The following SEPTIN6 variants were observed in gnomAD, a reference collection of about 807,000 sequenced individuals.
The protein encoded by SEPTIN6 is septin 6.
SEPTIN6 carries 8 observed loss-of-function variants against 33.6 expected under a neutral mutation model. That is an observed-to-expected ratio of 0.24 (90% confidence interval 0.14 to 0.43). The LOEUF is 0.43. Among genes scored for constraint, SEPTIN6 ranks in the 20% least tolerant of loss-of-function variants. The pLI is 1.00. For synonymous variants in SEPTIN6, 131 were observed against 140.0 expected (o/e 0.94, Z 0.45); for missense variants, 250 against 340.8 (o/e 0.73, Z 2.10).
chrX:119,665,977 G>T (rs1222490516), intron 2 of SEPTIN6, among the ~76,000 whole-genome samples: 4 of 109,524 alleles, frequency 3.7e-5, no homozygotes, highest in Non-Finnish European at 7.6e-5. Context: ...AGCTACTTGG[G>T]AGGCTGAGGC....
At chrX:119,682,364 G>C (rs935506068) in intron 1 of SEPTIN6, among the ~76,000 whole-genome samples, 1 of 111,679 alleles carries the variant, frequency 9.0e-6, no homozygotes, top group African/African-American at 3.3e-5. Flanking sequence ...CTTTGCAGCA[G>C]GGGTAATTAG....
In SEPTIN6 at chrX:119,619,979, G is replaced by A; in HGVS notation, c.*114C>T. 1 of 1,204,098 alleles carries A rather than the reference G, an allele frequency of 8.3e-7. No individual in the cohort carries two copies. Among genetic ancestry groups the A allele is most frequent in the Non-Finnish European group, 1.1e-6 (1 of 892,821 alleles). Reference sequence around the variant, plus strand: ...GTTGGATTGTATGCCCCCCAGGCATGTTAAGGGGGAAATTAGAGAAAGGGA... The same window carrying A: ...GTTGGATTGTATGCCCCCCAGGCATATTAAGGGGGAAATTAGAGAAAGGGA... On this transcript the variant is annotated 3_prime_UTR_variant, in exon 11 of 11. Transcript: ENST00000394610.
intron 10 of SEPTIN6, 39 bp from the exon 11 acceptor site, chrX:119,620,090 G>T: frequency 1.0e-6 from 1 of 980,651 alleles, no homozygotes; most frequent in Non-Finnish European, 1.4e-6. Flanking sequence ...TGAATGGATA[G>T]ATTAATGTAC....
At chrX:119,631,187 T>C (rs1275639753) in intron 8 of SEPTIN6, among the ~76,000 whole-genome samples, 1 of 105,068 alleles carries the variant, frequency 9.5e-6, no homozygotes, top group Non-Finnish European at 2.0e-5. Flanking sequence ...CTTTTCTTTT[T>C]TTTTTTTTTT....
chrX:119,627,923 C>A (rs373149905), intron 9 of SEPTIN6, among the ~76,000 whole-genome samples: 1 of 104,701 alleles, frequency 9.6e-6, no homozygotes. Context: ...CTCAGCCTCC[C>A]AAGTAGCTGG....
At chrX:119,669,568 C>T (rs1169842161) in intron 2 of SEPTIN6, among the ~76,000 whole-genome samples, 4 of 111,980 alleles carry the variant, frequency 3.6e-5, no homozygotes. Flanking sequence ...GGAGCCGGCT[C>T]GTCCGCTTCC....
intron 3 of SEPTIN6, among the ~76,000 whole-genome samples, chrX:119,656,663 G>A (rs1014205296): frequency 5.3e-5 from 6 of 112,157 alleles, no homozygotes; most frequent in East Asian, 2.8e-4. Context: ...CAAGGTGGGC[G>A]GATCACGAGG....
At chrX:119,623,727 T>C (rs754537000) in intron 10 of SEPTIN6, among the ~76,000 whole-genome samples, 3 of 111,409 alleles carry the variant, frequency 2.7e-5, no homozygotes, top group Non-Finnish European at 3.8e-5. Flanking sequence ...TAATCCCAGC[T>C]ACTTGGGAGG....
chrX:119,692,552 T>C lies in SEPTIN6; in HGVS notation c.30+524A>G, dbSNP rs1400269521. ...ACACACACAGACGCAGTCACATATG[T>C]AATGCATATAGAGAAACCCTATCCC... On this transcript the variant is annotated intron_variant, in intron 1 of 10. Coordinates refer to ENST00000394610, the MANE Select transcript of SEPTIN6 (RefSeq NM_145799.4). Among the ~76,000 whole-genome samples the C allele has an allele frequency of 8.1e-5, 9 of 111,371 alleles. No homozygotes were observed. In the East Asian group the frequency reaches 2.0e-3, roughly 25 times the overall value.
chrX:119,615,764 A>G, downstream of SEPTIN6: 1 of 145,302 alleles, frequency 6.9e-6, no homozygotes, highest in East Asian at 1.1e-4. Flanking sequence ...TGACATGGAC[A>G]TTAGAAAGGT....
intron 3 of SEPTIN6, 105 bp downstream of exon 3, chrX:119,663,377 G>A: frequency 1.4e-6 from 1 of 696,382 alleles, no homozygotes; most frequent in East Asian, 3.3e-5. Context: ...GGGAGGACAG[G>A]CTTGGGCCCG....
intron 1 of SEPTIN6, among the ~76,000 whole-genome samples, chrX:119,692,531 A>G (rs1453169906): frequency 9.0e-6 from 1 of 111,326 alleles, no homozygotes; most frequent in African/African-American, 3.3e-5. Flanking sequence ...ACCGATACAC[A>G]CACAGACGCA....
At position 119,620,029 on chromosome X, in the gene SEPTIN6, A is replaced by T. The variant is rs749061802; in HGVS notation, c.*64T>A. ...AGGCCCAGCTCTGTTGCGCAGGAAA[A>T]GGGTGTCTACAGGAAGCCCAAACTG... is the stretch of plus-strand genomic sequence containing the variant. On this transcript the variant is annotated 3_prime_UTR_variant, in exon 11 of 11. Transcript: ENST00000394610. 15 of 1,205,669 alleles carry T rather than the reference A, an allele frequency of 1.2e-5. No individual in the cohort carries two copies. Among genetic ancestry groups the T allele is most frequent in the Non-Finnish European group, 1.7e-5 (15 of 893,379 alleles).
intron 1 of SEPTIN6, among the ~76,000 whole-genome samples, chrX:119,678,799 T>A (rs950355008): frequency 2.7e-5 from 3 of 110,971 alleles, no homozygotes; most frequent in Non-Finnish European, 5.7e-5. Context: ...CTGAGCCATT[T>A]GTTATCACCC....
chrX:119,678,683 G>A (rs67708724), intron 1 of SEPTIN6, among the ~76,000 whole-genome samples: 10,605 of 110,826 alleles, frequency 0.096, 393 homozygotes, highest in South Asian at 0.25. Context: ...TTCTTGGTCC[G>A]CAACGCTGCA....
At chrX:119,635,020 A>AG in intron 7 of SEPTIN6, 1 of 253,569 alleles carries the variant, frequency 3.9e-6, no homozygotes, top group East Asian at 1.1e-4. Flanking sequence ...AAAAAAAAAA[A>AG]AAAAAAAGAA....
intron 7 of SEPTIN6, among the ~76,000 whole-genome samples, chrX:119,635,951 G>C (rs1187809394): frequency 9.0e-6 from 1 of 111,528 alleles, no homozygotes; most frequent in African/African-American, 3.3e-5. Flanking sequence ...GAGGTATTCA[G>C]GATGGAGTGA....
intron 1 of SEPTIN6, among the ~76,000 whole-genome samples, chrX:119,689,826 G>A (rs1358205294): frequency 9.1e-6 from 1 of 109,623 alleles, no homozygotes; most frequent in Non-Finnish European, 1.9e-5. Context: ...TGCCTCCAGG[G>A]TTCAAGCGAT....
chrX:119,645,484 G>A (rs765627114), intron 5 of SEPTIN6, among the ~76,000 whole-genome samples: 64 of 109,488 alleles, frequency 5.8e-4, no homozygotes, highest in African/African-American at 1.2e-3. Flanking sequence ...CACAACCTCC[G>A]TCTCCTGGGT....
Sources: allele counts gnomAD v4.1 joint callset (sites outside exome capture counted in the v4.1 genomes callset), GRCh38; gene constraint gnomAD v4.1.1; transcripts MANE v1.5; gene names NCBI Gene and HGNC (gene_info 2026-07-23, HGNC 2026-07-21).